The following DYNC2LI1 variants were observed in gnomAD, a reference collection of about 807,000 sequenced individuals.
DYNC2LI1 encodes cytoplasmic dynein 2 light intermediate chain 1.
A neutral mutation model predicts 51.9 loss-of-function variants in DYNC2LI1; 45 were observed. The observed-to-expected ratio is 0.87, with a 90% confidence interval of 0.68 to 1.11. The LOEUF (loss-of-function observed/expected upper bound fraction) is 1.11, where lower values mean the gene tolerates loss of function less well. Ranked by LOEUF, DYNC2LI1 falls within the 50% of genes most tolerant of loss-of-function variation. The pLI, the probability that DYNC2LI1 is intolerant of heterozygous loss-of-function variation, is 0.00. For missense variants in DYNC2LI1, 490 were observed against 417.4 expected (o/e 1.17, Z -1.51); for synonymous variants, 130 against 137.8 (o/e 0.94, Z 0.40).
At chr2:43,811,921 A>G (rs1398594243), downstream of DYNC2LI1, among the ~76,000 whole-genome samples, 6 of 152,116 alleles carry the variant, frequency 3.9e-5, no homozygotes. Context: ...ACCTATTTAC[A>G]TTATTTTATC....
intron 2 of DYNC2LI1, among the ~76,000 whole-genome samples, chr2:43,777,558 A>G (rs1379089372): frequency 6.6e-6 from 1 of 152,260 alleles, no homozygotes; most frequent in Non-Finnish European, 1.5e-5. Flanking sequence ...CAGATGCAAG[A>G]TGCTGAAATT....
intron 10 of DYNC2LI1, among the ~76,000 whole-genome samples, chr2:43,804,353 A>G (rs1666169664): frequency 6.6e-6 from 1 of 152,204 alleles, no homozygotes. Context: ...AACACTACCA[A>G]AAACTGGAAT....
chr2:43,814,482 G>A (rs1666689801), downstream of DYNC2LI1: 1 of 1,594,230 alleles, frequency 6.3e-7, no homozygotes, highest in South Asian at 1.1e-5. Flanking sequence ...CTTACCACAA[G>A]TGAAATTCAG....
intron 3 of DYNC2LI1, among the ~76,000 whole-genome samples, chr2:43,785,703 A>T (rs1005010294): frequency 6.3e-5 from 8 of 127,096 alleles, no homozygotes; most frequent in East Asian, 2.0e-4. Context: ...CACTGCAAAA[A>T]AAATAAATAA....
chr2:43,817,161 T>G, the DYNC2LI1 span, among the ~76,000 whole-genome samples: 2 of 152,220 alleles, frequency 1.3e-5, no homozygotes, highest in African/African-American at 4.8e-5. Flanking sequence ...CTGAGAACAT[T>G]TAGTATTCTT....
the DYNC2LI1 span, chr2:43,820,014 G>C: frequency 1.9e-3 from 3,047 of 1,614,222 alleles, 57 homozygotes; most frequent in African/African-American, 0.036. Context: ...TAGCACAAGA[G>C]TTAGAAATTC....
intron 2 of DYNC2LI1, among the ~76,000 whole-genome samples, chr2:43,783,273 A>G (rs1163436241): frequency 2.0e-5 from 3 of 152,212 alleles, no homozygotes. Context: ...ATTTGCTAGT[A>G]TTTGTCATCT....
Position 43,796,785 on chromosome 2 carries a change from C to T in DYNC2LI1, c.644C>T (p.Ala215Val). Residue 215 changes from alanine to valine, a missense_variant, in exon 8 of 13, where the codon GCA (alanine) becomes GTA (valine). Physicochemically the swap from Ala to Val is moderately conservative, Grantham distance 64. Coordinates refer to ENST00000260605, the MANE Select transcript of DYNC2LI1 (RefSeq NM_016008.4). ...TLRFVAHYYG[A>V]SLMFTSKSEA... ...CGATTTGTTGCACATTATTATGGAG[C>T]ATCATTAATGGTTTGTACATTTCTT... The T allele has an allele frequency of 6.2e-7, 1 of 1,613,180 alleles. No individual in the cohort carries two copies. Among genetic ancestry groups the T allele is most frequent in the South Asian group, 1.1e-5 (1 of 91,030 alleles).
chr2:43,823,780 G>GCT, the DYNC2LI1 span: 4 of 1,038,004 alleles, frequency 3.9e-6, no homozygotes, highest in Non-Finnish European at 5.5e-6. Context: ...CCTTTCCCCA[G>GCT]AGAGGGAACC....
intron 12 of DYNC2LI1, 46 bp from the exon 13 acceptor site, chr2:43,809,659 T>C (rs773049603): frequency 7.0e-7 from 1 of 1,422,264 alleles, no homozygotes; most frequent in African/African-American, 1.4e-5. Context: ...CCTCCTTGAA[T>C]TAGTAAAGTT....
chr2:43,795,821 T>C (rs1302478437), intron 6 of DYNC2LI1, 69 bp from the exon 7 acceptor site: 8 of 1,176,594 alleles, frequency 6.8e-6, no homozygotes, highest in Non-Finnish European at 1.0e-5. Context: ...TTTTTGGAAG[T>C]AAATAGAAAT....
intron 5 of DYNC2LI1, chr2:43,792,901 C>T (rs1673858236): frequency 2.4e-6 from 3 of 1,229,318 alleles, no homozygotes; most frequent in Middle Eastern, 2.0e-4. Flanking sequence ...TCCGTTAATC[C>T]ATGCAGAACA....
intron 12 of DYNC2LI1, among the ~76,000 whole-genome samples, chr2:43,805,921 G>A (rs989833096): frequency 6.7e-6 from 1 of 148,246 alleles, no homozygotes; most frequent in Non-Finnish European, 1.5e-5. Context: ...TCACACTGTC[G>A]CCCAGGCTGG....
intron 9 of DYNC2LI1, chr2:43,801,435 T>C: frequency 2.5e-6 from 1 of 405,722 alleles, no homozygotes; most frequent in Non-Finnish European, 4.4e-6. Flanking sequence ...GGTCTGTCAC[T>C]TTTTTTCCTA....
the DYNC2LI1 span, chr2:43,819,865 A>G: frequency 3.2e-4 from 507 of 1,585,524 alleles, no homozygotes; most frequent in Non-Finnish European, 4.2e-4. Context: ...TTAGGTGATC[A>G]TTAATAACAG....
chr2:43,824,525 A>G, the DYNC2LI1 span: 105 of 1,593,492 alleles, frequency 6.6e-5, 1 homozygote, highest in Middle Eastern at 1.7e-4. Context: ...TGGCCATAAT[A>G]CCTCATCCCA....
chr2:43,802,970 A>ATCACTATAC (rs1302217872), intron 10 of DYNC2LI1, among the ~76,000 whole-genome samples: 1 of 152,234 alleles, frequency 6.6e-6, no homozygotes, highest in Admixed American at 6.5e-5. Flanking sequence ...ACAATGAAAT[A>ATCACTATAC]TCACTATACA....
the DYNC2LI1 span, among the ~76,000 whole-genome samples, chr2:43,816,195 C>G: frequency 1.3e-5 from 2 of 152,318 alleles, no homozygotes; most frequent in East Asian, 3.9e-4. Context: ...CTTATTCACT[C>G]AACAAATAAT....
At chr2:43,827,683 TG>T in the DYNC2LI1 span, among the ~76,000 whole-genome samples, 1 of 152,118 alleles carries the variant, frequency 6.6e-6, no homozygotes, top group African/African-American at 2.4e-5. Context: ...ATTGCCCTGG[TG>T]AGAAGAAATG....
Sources: allele counts gnomAD v4.1 joint callset (sites outside exome capture counted in the v4.1 genomes callset), GRCh38; gene constraint gnomAD v4.1.1; transcripts MANE v1.5; gene names NCBI Gene and HGNC (gene_info 2026-07-23, HGNC 2026-07-21).